FOXP1: variants seen among roughly 807,000 people sequenced by gnomAD.
FOXP1 encodes the protein forkhead box protein P1.
FOXP1 carries 15 observed loss-of-function variants against 98.2 expected under a neutral mutation model. The ratio of observed to expected loss-of-function variants is 0.15; its 90% CI spans 0.10 to 0.24. The LOEUF (loss-of-function observed/expected upper bound fraction) is 0.24, where lower values mean the gene tolerates loss of function less well. Ranked by LOEUF, FOXP1 falls within the 10% of genes least tolerant of loss-of-function variation. FOXP1 has a pLI of 1.00. For missense variants in FOXP1, 633 were observed against 848.5 expected, an observed-to-expected ratio of 0.75 and a Z score of 3.15; for synonymous variants, 371 against 314.5, an observed-to-expected ratio of 1.18 and a Z score of -1.90.
chr3:71,110,999 C>T (rs777972287), intron 7 of FOXP1, among the ~76,000 whole-genome samples: 6 of 152,190 alleles, frequency 3.9e-5, no homozygotes, highest in Admixed American at 2.6e-4. Flanking sequence ...TCCAATAAAG[C>T]GTCACTATAG....
chr3:71,093,037 G>C (rs995162267), intron 7 of FOXP1, among the ~76,000 whole-genome samples: 1 of 152,160 alleles, frequency 6.6e-6, no homozygotes, highest in Non-Finnish European at 1.5e-5. Flanking sequence ...AAGGCAGGCA[G>C]ATCACCTGAG....
At chr3:71,472,844 C>G (rs1164958825) in intron 3 of FOXP1, among the ~76,000 whole-genome samples, 1 of 152,200 alleles carries the variant, frequency 6.6e-6, no homozygotes, top group African/African-American at 2.4e-5. Context: ...AGCTCTGCAG[C>G]TGCCATTTAT....
Position 71,474,597 on chromosome 3 carries a change from T to A in FOXP1, c.-168+18829A>T, listed in dbSNP as rs527295729. ...GCCTCCTGTCACATAAGCAGTGGCATTAGCTTCTCATAGAAGCGTAAACCC... is the reference window on the plus strand; with the variant it reads ...GCCTCCTGTCACATAAGCAGTGGCAATAGCTTCTCATAGAAGCGTAAACCC... On this transcript the variant is annotated intron_variant, in intron 3 of 20. Transcript: ENST00000649528. Among the ~76,000 whole-genome samples the A allele has an allele frequency of 2.6e-5, 4 of 152,238 alleles. No individual in the cohort carries two copies. In the East Asian group the frequency reaches 7.7e-4, roughly 29 times the overall value.
At chr3:71,140,722 A>G (rs1173791110) in intron 6 of FOXP1, among the ~76,000 whole-genome samples, 2 of 152,144 alleles carry the variant, frequency 1.3e-5, no homozygotes, top group Non-Finnish European at 2.9e-5. Context: ...GTATCCAAAT[A>G]CTGTGACTGT....
At chr3:71,413,279 CA>C (rs1290525145) in intron 3 of FOXP1, among the ~76,000 whole-genome samples, 3 of 134,974 alleles carry the variant, frequency 2.2e-5, no homozygotes, top group African/African-American at 8.5e-5. Flanking sequence ...CACACACACA[CA>C]CACACACACA....
At chr3:71,066,398 T>A (rs1158591829) in intron 7 of FOXP1, among the ~76,000 whole-genome samples, 1 of 152,152 alleles carries the variant, frequency 6.6e-6, no homozygotes, top group African/African-American at 2.4e-5. Context: ...GATACCAAAT[T>A]TATTAATGGG....
chr3:71,033,472 T>C (rs980974072), intron 11 of FOXP1, among the ~76,000 whole-genome samples: 7 of 151,962 alleles, frequency 4.6e-5, no homozygotes, highest in East Asian at 1.9e-4. Flanking sequence ...ACACAATAAA[T>C]AGAAAGAGAT....
intron 7 of FOXP1, among the ~76,000 whole-genome samples, chr3:71,092,737 C>A (rs1469662041): frequency 6.6e-6 from 1 of 151,752 alleles, no homozygotes; most frequent in Non-Finnish European, 1.5e-5. Flanking sequence ...GGGAGTTTTT[C>A]TTATTTTGAA....
chr3:70,997,787 G>T (rs2041591803), intron 13 of FOXP1, among the ~76,000 whole-genome samples: 1 of 152,150 alleles, frequency 6.6e-6, no homozygotes, highest in South Asian at 2.1e-4. Context: ...TTTAATCATT[G>T]TACTCTGCAG....
intron 18 of FOXP1, 177 bp from the exon 19 acceptor site, chr3:70,970,982 A>G: frequency 1.5e-6 from 1 of 646,036 alleles, no homozygotes; most frequent in South Asian, 1.7e-5. Context: ...GTGTGTGTGC[A>G]CACCTCTGGG....
intron 5 of FOXP1, among the ~76,000 whole-genome samples, chr3:71,247,882 A>T (rs150305204): frequency 1.4e-4 from 21 of 152,306 alleles, no homozygotes; most frequent in African/African-American, 4.6e-4. Context: ...ATGATACTCA[A>T]CTACTAGCAT....
chr3:71,292,564 A>G (rs1275659962), intron 5 of FOXP1: 1 of 151,968 alleles, frequency 6.6e-6, no homozygotes, highest in Non-Finnish European at 1.5e-5. Context: ...CAAACTCCCA[A>G]CCTCAAGTGA....
intron 7 of FOXP1, among the ~76,000 whole-genome samples, chr3:71,111,930 G>A (rs910739266): frequency 2.0e-5 from 3 of 152,004 alleles, no homozygotes; most frequent in Non-Finnish European, 4.4e-5. Flanking sequence ...TCCTCCTCAG[G>A]CCGAGTCATA....
At chr3:71,030,625 T>C (rs1490416365) in intron 11 of FOXP1, among the ~76,000 whole-genome samples, 1 of 152,212 alleles carries the variant, frequency 6.6e-6, no homozygotes, top group African/African-American at 2.4e-5. Context: ...CTTGGTAAGT[T>C]TGGTTGAATG....
intron 6 of FOXP1, among the ~76,000 whole-genome samples, chr3:71,175,766 G>C (rs994466061): frequency 5.9e-5 from 9 of 152,188 alleles, no homozygotes; most frequent in Admixed American, 2.0e-4. Context: ...TTGACTTGTA[G>C]GTTATGAATC....
intron 13 of FOXP1, among the ~76,000 whole-genome samples, chr3:70,992,033 T>C (rs1315875959): frequency 1.3e-5 from 2 of 152,182 alleles, no homozygotes; most frequent in African/African-American, 4.8e-5. Flanking sequence ...GGGGGGCACA[T>C]GGAGTTTTAA....
chr3:71,088,037 G>C (rs1222139164), intron 7 of FOXP1, among the ~76,000 whole-genome samples: 1 of 152,240 alleles, frequency 6.6e-6, no homozygotes, highest in Non-Finnish European at 1.5e-5. Flanking sequence ...AGCCAGGGCT[G>C]TAAGACTATG....
chr3:71,355,785 T>C (rs917601733), intron 4 of FOXP1, among the ~76,000 whole-genome samples: 2 of 152,174 alleles, frequency 1.3e-5, no homozygotes, highest in African/African-American at 4.8e-5. Flanking sequence ...TCAATGTTAA[T>C]GAATTATCAC....
intron 2 of FOXP1, among the ~76,000 whole-genome samples, chr3:71,539,345 T>C (rs2044603055): frequency 6.7e-6 from 1 of 148,856 alleles, no homozygotes; most frequent in Non-Finnish European, 1.5e-5. Flanking sequence ...ATGGTCTCGA[T>C]CTCCTGACCT....
Sources: gnomAD v4.1 joint callset for allele counts (sites outside exome capture counted in the v4.1 genomes callset) on GRCh38, gnomAD v4.1.1 for gene constraint, MANE v1.5 for transcripts, NCBI Gene and HGNC (gene_info 2026-07-23, HGNC 2026-07-21) for gene names.